SYTL5: variants seen among roughly 807,000 people sequenced by gnomAD.
The protein encoded by SYTL5 is synaptotagmin like 5.
A neutral mutation model predicts 55.9 loss-of-function variants in SYTL5; 34 were observed. The ratio of observed to expected loss-of-function variants is 0.61; its 90% CI spans 0.46 to 0.81. The LOEUF is 0.81. Among genes scored for constraint, SYTL5 ranks in the 30% least tolerant of loss-of-function variants. The pLI, the probability that SYTL5 is intolerant of heterozygous loss-of-function variation, is 0.00. For missense variants in SYTL5, 637 were observed against 546.7 expected (o/e 1.17, Z -1.65); for synonymous variants, 221 against 188.7 (o/e 1.17, Z -1.40).
At chrX:37,903,058 T>C in the SYTL5 span, among the ~76,000 whole-genome samples, 1,083 of 111,249 alleles carry the variant, frequency 9.7e-3, 9 homozygotes, top group African/African-American at 0.033. Context: ...CAACAGGTGC[T>C]GGAGAGGATG....
chrX:38,010,935 T>G (rs1934156607), intron 1 of SYTL5, among the ~76,000 whole-genome samples: 1 of 111,942 alleles, frequency 8.9e-6, no homozygotes, highest in Admixed American at 9.5e-5. Flanking sequence ...ATCATCAACA[T>G]CATCGCCACT....
the SYTL5 span, among the ~76,000 whole-genome samples, chrX:37,984,540 G>T: frequency 7.2e-5 from 8 of 111,690 alleles, no homozygotes; most frequent in African/African-American, 2.6e-4. Context: ...CTTCATTGGT[G>T]AATGCTACCA....
At chrX:38,033,154 G>T (rs762157247) in intron 1 of SYTL5, among the ~76,000 whole-genome samples, 21 of 111,697 alleles carry the variant, frequency 1.9e-4, no homozygotes, top group African/African-American at 6.8e-4. Context: ...AAGGAAGGAA[G>T]AAAGAAGGAG....
the SYTL5 span, among the ~76,000 whole-genome samples, chrX:37,973,794 C>T: frequency 1.8e-5 from 2 of 110,355 alleles, no homozygotes; most frequent in African/African-American, 6.6e-5. Flanking sequence ...ACCACCATGG[C>T]TGGCTATTTT....
intron 13 of SYTL5, 128 bp downstream of exon 13, chrX:38,110,610 A>ACT: frequency 2.2e-6 from 1 of 463,877 alleles, no homozygotes; most frequent in Non-Finnish European, 3.3e-6. Flanking sequence ...TTAGTGCAGC[A>ACT]AATTTTGGAA....
At chrX:37,977,998 T>TATCA in the SYTL5 span, among the ~76,000 whole-genome samples, 931 of 111,641 alleles carry the variant, frequency 8.3e-3, 6 homozygotes, top group Middle Eastern at 0.019. Context: ...GCTTTACAGC[T>TATCA]ATCAGAAATC....
the SYTL5 span, among the ~76,000 whole-genome samples, chrX:37,945,349 C>A: frequency 8.9e-6 from 1 of 112,067 alleles, no homozygotes; most frequent in Non-Finnish European, 1.9e-5. Context: ...TGACTCTCAT[C>A]TTACTTTGTA....
the SYTL5 span, among the ~76,000 whole-genome samples, chrX:37,913,331 C>T: frequency 5.3e-5 from 6 of 112,331 alleles, no homozygotes; most frequent in African/African-American, 1.6e-4. Flanking sequence ...TGTTTTCATG[C>T]TATATACCAA....
the SYTL5 span, among the ~76,000 whole-genome samples, chrX:37,995,425 C>G: frequency 4.9e-3 from 543 of 111,849 alleles, 5 homozygotes; most frequent in African/African-American, 0.017. Context: ...TCCCAGAAGC[C>G]TTTCTTGCCA....
At chrX:38,010,874 A>AT (rs761298467) in intron 1 of SYTL5, among the ~76,000 whole-genome samples, 30 of 112,243 alleles carry the variant, frequency 2.7e-4, no homozygotes, top group Admixed American at 2.3e-3. Flanking sequence ...AGTGCCTTAA[A>AT]TTTTTTAACT....
chrX:37,979,104 GT>G, the SYTL5 span, among the ~76,000 whole-genome samples: 1 of 111,426 alleles, frequency 9.0e-6, no homozygotes, highest in Non-Finnish European at 1.9e-5. Flanking sequence ...CAATTTAGAA[GT>G]TTATTTTGCC....
chrX:37,963,975 G>A, the SYTL5 span, among the ~76,000 whole-genome samples: 3 of 111,709 alleles, frequency 2.7e-5, no homozygotes, highest in Admixed American at 9.5e-5. Flanking sequence ...CTGTTGAGAC[G>A]ATCATGTGAT....
At chrX:38,071,765 G>A (rs1936271312) in intron 3 of SYTL5, among the ~76,000 whole-genome samples, 1 of 111,680 alleles carries the variant, frequency 9.0e-6, no homozygotes, top group Admixed American at 9.5e-5. Flanking sequence ...TTATTTTATT[G>A]CTCTAAGTCC....
At chrX:38,049,881 TAC>T (rs1429155313) in intron 2 of SYTL5, among the ~76,000 whole-genome samples, 1 of 112,277 alleles carries the variant, frequency 8.9e-6, no homozygotes, top group Non-Finnish European at 1.9e-5. Flanking sequence ...ATGCTGTTTT[TAC>T]AGAAGTATTT....
chrX:38,054,611 T>TGAGAGAGAGAGA (rs3067495), intron 3 of SYTL5, among the ~76,000 whole-genome samples, 189 bp downstream of exon 3: 12 of 95,409 alleles, frequency 1.3e-4, no homozygotes, highest in South Asian at 5.5e-4. Context: ...TGTGTGTATG[T>TGAGAGAGAGAGA]GAGAGAGAGA....
chrX:37,905,748 A>C, the SYTL5 span, among the ~76,000 whole-genome samples: 1 of 112,761 alleles, frequency 8.9e-6, no homozygotes, highest in Non-Finnish European at 1.9e-5. Context: ...GCCCGGGGTC[A>C]TGGGGTCCTG....
chrX:38,054,492 G>A lies in SYTL5; in HGVS notation c.329+70G>A, dbSNP rs1327367816. On this transcript the variant is annotated intron_variant, in intron 3 of 16. Transcript: ENST00000297875. ...AGGGATTGGAGTGGGGAAGGCAAAA[G>A]AGAAAAAGAGTATTTTAAGTTTAAG... 1.2e-5 allele frequency: 12 copies of A among 995,036 alleles called. No individual in the cohort carries two copies. The East Asian group carries it at 3.7e-4, about 31-fold the overall frequency. 82.0% of individuals were successfully genotyped at this position (995,036 alleles called of 1,213,427 possible).
At chrX:37,927,570 T>C in the SYTL5 span, among the ~76,000 whole-genome samples, 1 of 109,784 alleles carries the variant, frequency 9.1e-6, no homozygotes, top group Non-Finnish European at 1.9e-5. Context: ...GGTCAGGAGA[T>C]CAAGACCATC....
chrX:38,093,333 C>A (rs1006610697), intron 7 of SYTL5, among the ~76,000 whole-genome samples: 4 of 111,954 alleles, frequency 3.6e-5, no homozygotes, highest in Non-Finnish European at 5.6e-5. Context: ...TCTAGGATTT[C>A]AAAAGGCACT....
Sources: gnomAD v4.1 joint callset for allele counts (sites outside exome capture counted in the v4.1 genomes callset) on GRCh38, gnomAD v4.1.1 for gene constraint, MANE v1.5 for transcripts, NCBI Gene and HGNC (gene_info 2026-07-23, HGNC 2026-07-21) for gene names.